CDH13: variants seen among roughly 807,000 people sequenced by gnomAD.
CDH13 encodes the protein cadherin 13.
A neutral mutation model predicts 63.8 loss-of-function variants in CDH13; 24 were observed. The observed-to-expected ratio is 0.38, with a 90% CI of 0.27 to 0.53. CDH13 has a LOEUF of 0.53. CDH13 is among the 20% of genes least tolerant of loss of function. CDH13 has a pLI of 0.85. For synonymous variants in CDH13, 503 were observed against 355.3 expected, an observed-to-expected ratio of 1.42 and a Z score of -4.67; for missense variants, 1,049 against 903.1, an observed-to-expected ratio of 1.16 and a Z score of -2.07.
chr16:82,830,608 T>C (rs1366283396), intron 1 of CDH13, among the ~76,000 whole-genome samples: 8 of 152,210 alleles, frequency 5.3e-5, no homozygotes, highest in Non-Finnish European at 1.2e-4. Context: ...TCATCTTATT[T>C]GTAATGACAT....
chr16:83,702,652 C>G (rs1906419091), intron 10 of CDH13, among the ~76,000 whole-genome samples: 1 of 152,178 alleles, frequency 6.6e-6, no homozygotes, highest in Non-Finnish European at 1.5e-5. Context: ...ATCTCCCCAC[C>G]AGGCCATGAG....
chr16:83,755,348 G>C (rs920588267), intron 11 of CDH13, among the ~76,000 whole-genome samples: 7 of 152,126 alleles, frequency 4.6e-5, no homozygotes, highest in African/African-American at 1.7e-4. Flanking sequence ...TGGAGTTACA[G>C]AAGGATAGGA....
chr16:83,059,727 C>T (rs140783036), intron 3 of CDH13, among the ~76,000 whole-genome samples: 22 of 151,808 alleles, frequency 1.4e-4, no homozygotes, highest in African/African-American at 5.3e-4. Flanking sequence ...GGTGCTTATC[C>T]CTCAAACCTC....
chr16:82,672,881 C>A (rs533656460), intron 1 of CDH13, among the ~76,000 whole-genome samples: 2 of 151,754 alleles, frequency 1.3e-5, no homozygotes, highest in African/African-American at 4.8e-5. Flanking sequence ...GTGACATGAT[C>A]ATGACTCACT....
intron 8 of CDH13, among the ~76,000 whole-genome samples, chr16:83,651,990 G>A (rs1912426246): frequency 6.6e-6 from 1 of 152,192 alleles, no homozygotes; most frequent in Admixed American, 6.5e-5. Context: ...GAGAGCCCAG[G>A]AGGGACAGAG....
intron 7 of CDH13, among the ~76,000 whole-genome samples, chr16:83,547,155 T>A (rs1335667911): frequency 1.3e-5 from 2 of 152,038 alleles, no homozygotes; most frequent in Admixed American, 1.3e-4. Context: ...TTGAATCGAA[T>A]GATGGCACAA....
intron 1 of CDH13, among the ~76,000 whole-genome samples, chr16:82,794,411 T>A (rs2036479324): frequency 7.5e-6 from 1 of 133,066 alleles, no homozygotes; most frequent in East Asian, 2.1e-4. Flanking sequence ...TTTTTTCTTT[T>A]CTTTTCTTTT....
chr16:83,065,146 A>G (rs939561963), intron 3 of CDH13, among the ~76,000 whole-genome samples: 29 of 152,182 alleles, frequency 1.9e-4, no homozygotes, highest in Admixed American at 7.9e-4. Context: ...TCCACTGGCC[A>G]CCTTTGTCTC....
intron 5 of CDH13, among the ~76,000 whole-genome samples, chr16:83,334,739 G>A (rs2090556540): frequency 6.6e-6 from 1 of 152,120 alleles, no homozygotes. Context: ...TAATTTGGGA[G>A]GTGGAGAGAG....
chr16:83,145,079 T>C (rs1411725665), intron 4 of CDH13, among the ~76,000 whole-genome samples: 1 of 152,194 alleles, frequency 6.6e-6, no homozygotes, highest in Non-Finnish European at 1.5e-5. Flanking sequence ...TATATTCAAT[T>C]TTGGGTCTCC....
chr16:83,370,845 A>G (rs1445239383), intron 6 of CDH13, among the ~76,000 whole-genome samples: 1 of 152,202 alleles, frequency 6.6e-6, no homozygotes, highest in Non-Finnish European at 1.5e-5. Context: ...TTATATATGT[A>G]CCATATTTCT....
At chr16:83,003,730 C>T (rs969960991) in intron 2 of CDH13, among the ~76,000 whole-genome samples, 9 of 152,216 alleles carry the variant, frequency 5.9e-5, no homozygotes, top group African/African-American at 1.7e-4. Flanking sequence ...AAGATTACTA[C>T]GACCCTTGGG....
chr16:83,036,092 G>A (rs761238927), intron 3 of CDH13, among the ~76,000 whole-genome samples: 7 of 152,048 alleles, frequency 4.6e-5, no homozygotes, highest in Admixed American at 6.6e-5. Flanking sequence ...AGTAGGTGGC[G>A]GAAGAGGGCC....
chr16:83,566,373 C>T (rs1303680629), intron 7 of CDH13, among the ~76,000 whole-genome samples: 1 of 152,144 alleles, frequency 6.6e-6, no homozygotes. Context: ...ATGGGAGTTC[C>T]AGCTTCTTTC....
chr16:83,418,137 C>A (rs2071609172), intron 6 of CDH13, among the ~76,000 whole-genome samples: 1 of 152,182 alleles, frequency 6.6e-6, no homozygotes, highest in South Asian at 2.1e-4. Flanking sequence ...TATTCATTAG[C>A]TACATGGCTG....
chr16:82,912,043 C>T (rs1051508958), intron 2 of CDH13, among the ~76,000 whole-genome samples: 3 of 152,058 alleles, frequency 2.0e-5, no homozygotes, highest in Non-Finnish European at 4.4e-5. Context: ...CCAGCTCCCA[C>T]GGCTCTAATT....
At chr16:83,643,822 C>G (rs997398202) in intron 8 of CDH13, among the ~76,000 whole-genome samples, 23 of 152,146 alleles carry the variant, frequency 1.5e-4, no homozygotes, top group Non-Finnish European at 2.1e-4. Context: ...TCAAACATGT[C>G]AACAGCATCC....
intron 5 of CDH13, among the ~76,000 whole-genome samples, chr16:83,267,471 T>C (rs1483535040): frequency 6.6e-6 from 1 of 152,156 alleles, no homozygotes; most frequent in Non-Finnish European, 1.5e-5. Context: ...AAATGCCCTC[T>C]CCAAAACTCA....
chr16:83,326,321 C>T (rs1029931144), intron 5 of CDH13, among the ~76,000 whole-genome samples: 1 of 152,086 alleles, frequency 6.6e-6, no homozygotes, highest in Non-Finnish European at 1.5e-5. Flanking sequence ...TTCTCTCTTA[C>T]CTGGGGCATA....
Sources: gnomAD v4.1 joint callset for allele counts (sites outside exome capture counted in the v4.1 genomes callset) on GRCh38, gnomAD v4.1.1 for gene constraint, MANE v1.5 for transcripts, NCBI Gene and HGNC (gene_info 2026-07-23, HGNC 2026-07-21) for gene names.